FCHO1: variants seen among roughly 807,000 people sequenced by gnomAD.
FCHO1 encodes the protein FCH and mu domain containing endocytic adaptor 1, also known as F-BAR domain only protein 1.
A neutral mutation model predicts 114.4 loss-of-function variants in FCHO1; 45 were observed. That is an observed-to-expected ratio of 0.39 (90% CI 0.31 to 0.50). The LOEUF is 0.50. Ranked by LOEUF, FCHO1 falls within the 20% of genes least tolerant of loss-of-function variation. FCHO1 has a pLI of 0.77. For missense variants in FCHO1, 1,042 were observed against 1,209.6 expected (o/e 0.86, Z 2.06); for synonymous variants, 480 against 488.9 (o/e 0.98, Z 0.24).
intron 7 of FCHO1, among the ~76,000 whole-genome samples, chr19:17,767,530 G>GCAC (rs2089775916): frequency 8.0e-6 from 1 of 125,526 alleles, no homozygotes; most frequent in South Asian, 2.7e-4. Context: ...TCATGCCACT[G>GCAC]CACTCCAGCC....
intron 20 of FCHO1, among the ~76,000 whole-genome samples, chr19:17,779,566 A>G (rs1246239066): frequency 3.0e-5 from 4 of 135,562 alleles, no homozygotes; most frequent in Non-Finnish European, 3.2e-5. Context: ...GGGAGGGAGG[A>G]GGATGGGGAA....
chr19:17,759,383 T>C (rs1378730899), intron 4 of FCHO1, among the ~76,000 whole-genome samples: 2 of 151,320 alleles, frequency 1.3e-5, no homozygotes, highest in Non-Finnish European at 2.9e-5. Flanking sequence ...CTGCCACGTC[T>C]GGCTAATTTT....
chr19:17,762,907 C>T (rs991687781), intron 5 of FCHO1, 54 bp downstream of exon 5: 16 of 1,231,482 alleles, frequency 1.3e-5, no homozygotes, highest in Non-Finnish European at 1.7e-5. Context: ...CCTGTAGTCA[C>T]GCCCACCTAA....
intron 23 of FCHO1, among the ~76,000 whole-genome samples, chr19:17,782,171 G>A (rs970432483): frequency 4.6e-5 from 7 of 151,586 alleles, no homozygotes; most frequent in African/African-American, 1.5e-4. Context: ...CACTGCACCC[G>A]ACTAAATTAT....
At chr19:17,778,479 G>T in intron 19 of FCHO1, 130 bp from the exon 20 acceptor site, 1 of 1,051,960 alleles carries the variant, frequency 9.5e-7, no homozygotes, top group Non-Finnish European at 1.3e-6. Flanking sequence ...TGTAGCCTTG[G>T]GGGCGTGCAC....
Position 17,784,704 on chromosome 19 carries a change from T to C in FCHO1, c.2227-21T>C. 1 of 1,612,264 alleles carries C rather than the reference T, an allele frequency of 6.2e-7. No individual in the cohort carries two copies. Among genetic ancestry groups the C allele is most frequent in the Non-Finnish European group, 8.5e-7 (1 of 1,178,782 alleles). ...AGGATGGCCCAAGCTGTGTCCTCTC[T>C]CTCATTCTCATTCTTCCTAGTTCTC... On this transcript the variant is annotated intron_variant, in intron 25 of 28. Coordinates refer to ENST00000596536, the MANE Select transcript of FCHO1 (RefSeq NM_015122.3). This position sits in a 1 kb window ranked among gnomAD's most constrained non-coding sequence, Gnocchi z 5.3.
chr19:17,775,202 G>C lies in FCHO1; in HGVS notation c.945+122G>C. 1 of 1,165,238 alleles carries C rather than the reference G, an allele frequency of 8.6e-7. No individual in the cohort carries two copies. Among genetic ancestry groups the C allele is most frequent in the Non-Finnish European group, 1.2e-6 (1 of 814,142 alleles). 72.2% of individuals were successfully genotyped at this position (1,165,238 alleles called of 1,614,324 possible). On this transcript the variant is annotated intron_variant, in intron 14 of 28. Transcript: ENST00000596536. The surrounding 1 kb of genome is among the most constrained non-coding windows in gnomAD (Gnocchi z 5.1). The stretch of plus-strand genomic sequence containing the variant: ...AGCCGAGATTGAGGGGCGGGCTGGA[G>C]CCTGGGGGCTGGGTTCATATCCCAC...
intron 3 of FCHO1, 46 bp from the exon 4 acceptor site, chr19:17,755,070 GCC>G: frequency 8.3e-7 from 1 of 1,209,956 alleles, no homozygotes; most frequent in Non-Finnish European, 1.2e-6. Context: ...CCCCCACCAA[GCC>G]CACACTGGCA....
rs780317293 is a variant in FCHO1, at chr19:17,751,780, G to C, written c.-183+203G>C. Among the ~76,000 whole-genome samples the C allele has an allele frequency of 3.3e-5, 5 of 152,234 alleles. No individual in the cohort carries two copies. Among genetic ancestry groups the C allele is most frequent in the Admixed American group, 6.5e-5 (1 of 15,290 alleles). ...AGCTGTGAGTGGTGGTTTGGGTTAGGGGGGCGGCAAGGGGAGCTTGGAAAC... is the reference window on the plus strand; with the variant it reads ...AGCTGTGAGTGGTGGTTTGGGTTAGCGGGGCGGCAAGGGGAGCTTGGAAAC... On this transcript the variant is annotated intron_variant, in intron 1 of 28. Coordinates refer to ENST00000596536, the MANE Select transcript of FCHO1 (RefSeq NM_015122.3). The surrounding 1 kb of genome is among the most constrained non-coding windows in gnomAD (Gnocchi z 4.4).
Position 17,784,755 on chromosome 19 carries a change from C to CT in FCHO1, c.2258dup (p.Gln754AlafsTer172). 3.7e-6 allele frequency: 6 copies of CT among 1,614,148 alleles called. No individual in the cohort carries two copies. Among genetic ancestry groups the CT allele is most frequent in the Non-Finnish European group, 5.1e-6 (6 of 1,180,038 alleles). On this transcript the variant is annotated frameshift_variant, in exon 26 of 29. Coordinates refer to ENST00000596536, the MANE Select transcript of FCHO1 (RefSeq NM_015122.3). LOFTEE classifies it high-confidence loss of function. This position sits in a 1 kb window ranked among gnomAD's most constrained non-coding sequence, Gnocchi z 5.3. ...CCGCCCGGGTCCCCAGTCTGTGCCT[C>CT]TGCAGCTCAGTGCCCACTGGCAGTG...
In FCHO1 at chr19:17,781,382, G is replaced by C. The variant is rs370164834; in HGVS notation, c.1740+39G>C. 5 of 1,607,012 alleles carry C rather than the reference G, an allele frequency of 3.1e-6. No individual in the cohort carries two copies. In the East Asian group the frequency reaches 8.9e-5, roughly 29 times the overall value. On this transcript the variant is annotated intron_variant, in intron 21 of 28. Coordinates refer to ENST00000596536, the MANE Select transcript of FCHO1 (RefSeq NM_015122.3). ...CGTGGCAGGAGCTGGACTGGGGGTCGCGTCTGGGGTCCGCTTTTGGGCACT... is the reference window on the plus strand; with the variant it reads ...CGTGGCAGGAGCTGGACTGGGGGTCCCGTCTGGGGTCCGCTTTTGGGCACT...
At chr19:17,772,258 A>G (rs1223158548) in intron 9 of FCHO1, among the ~76,000 whole-genome samples, 199 bp from the exon 10 acceptor site, 2 of 152,130 alleles carry the variant, frequency 1.3e-5, no homozygotes, top group Non-Finnish European at 2.9e-5. Flanking sequence ...CTTACATCCC[A>G]TCAGCACATT....
chr19:17,753,961 C>T (rs2082673073), intron 1 of FCHO1, among the ~76,000 whole-genome samples: 1 of 152,242 alleles, frequency 6.6e-6, no homozygotes, highest in East Asian at 1.9e-4. Flanking sequence ...GCCACCACTT[C>T]TAGCCTAAAC....
In FCHO1 at chr19:17,760,387, A is replaced by G. The variant is rs543339892; in HGVS notation, c.28-2375A>G. 2.0e-5 allele frequency among the ~76,000 whole-genome samples: 3 copies of G among 152,112 alleles called. No individual in the cohort carries two copies. The South Asian group carries it at 6.2e-4, about 32-fold the overall frequency. Reference sequence around the variant, plus strand: ...TTTAATGGACAGCTTAGTAGTGTTCAGGCATGATGCCCTTCCCAGGTGACA... The same window carrying G: ...TTTAATGGACAGCTTAGTAGTGTTCGGGCATGATGCCCTTCCCAGGTGACA... On this transcript the variant is annotated intron_variant, in intron 4 of 28. Transcript: ENST00000596536.
intron 5 of FCHO1, 127 bp downstream of exon 5, chr19:17,762,980 A>G: frequency 1.6e-6 from 1 of 630,648 alleles, no homozygotes; most frequent in African/African-American, 1.8e-5. Context: ...GAGGGGCTCG[A>G]AAATCCTGGA....
chr19:17,786,188 C>T (rs1229338366), intron 26 of FCHO1, among the ~76,000 whole-genome samples: 1 of 151,880 alleles, frequency 6.6e-6, no homozygotes, highest in African/African-American at 2.4e-5. Flanking sequence ...CAAAAATTAG[C>T]CAGGCGTGGT....
intron 5 of FCHO1, among the ~76,000 whole-genome samples, chr19:17,763,685 G>A (rs527799206): frequency 4.6e-5 from 7 of 150,716 alleles, no homozygotes; most frequent in African/African-American, 1.5e-4. Flanking sequence ...AGGATCCTGA[G>A]TAGCTGGGAC....
rs544977442 is a variant in FCHO1, at chr19:17,788,390, C to A, written c.*84C>A. 3.9e-6 allele frequency: 4 copies of A among 1,035,806 alleles called. No individual in the cohort carries two copies. In the South Asian group the frequency reaches 5.6e-5, roughly 15 times the overall value. 64.2% of individuals were successfully genotyped at this position (1,035,806 alleles called of 1,614,324 possible). On this transcript the variant is annotated 3_prime_UTR_variant, in exon 29 of 29. Transcript: ENST00000596536. ...CTGCCCTCCTGCCGGACCCTGGGGC[C>A]TCCCACCCCAGCCTCCCTGAGGCCC... is the stretch of plus-strand genomic sequence containing the variant.
At chr19:17,762,447 CAG>C (rs2086681125) in intron 4 of FCHO1, among the ~76,000 whole-genome samples, 1 of 151,968 alleles carries the variant, frequency 6.6e-6, no homozygotes, top group Non-Finnish European at 1.5e-5. Context: ...ACAGAAACGG[CAG>C]AGAGACTCAG....
Sources: allele counts gnomAD v4.1 joint callset (sites outside exome capture counted in the v4.1 genomes callset), GRCh38; gene constraint gnomAD v4.1.1; non-coding constraint Gnocchi (gnomAD v3.1); transcripts MANE v1.5; gene names NCBI Gene and HGNC (gene_info 2026-07-23, HGNC 2026-07-21).